The following OR2L3 variants were observed in gnomAD, a reference collection of about 807,000 sequenced individuals.
OR2L3 encodes olfactory receptor family 2 subfamily L member 3.
For synonymous variants in OR2L3, 131 were observed against 139.1 expected (o/e 0.94, Z 0.41); for missense variants, 369 against 376.6 (o/e 0.98, Z 0.17).
At chr1:248,048,984 T>C (rs537420246) in intron 1 of OR2L3, among the ~76,000 whole-genome samples, 1 of 150,956 alleles carries the variant, frequency 6.6e-6, no homozygotes, top group African/African-American at 2.5e-5. Context: ...TCATACCAAC[T>C]TTAAGGAGAC....
At chr1:248,047,317 T>C (rs888293075) in intron 1 of OR2L3, among the ~76,000 whole-genome samples, 1 of 151,728 alleles carries the variant, frequency 6.6e-6, no homozygotes, top group Non-Finnish European at 1.5e-5. Flanking sequence ...ATCTTATTGC[T>C]ACTTCTCACT....
In OR2L3 at chr1:248,060,702, A is replaced by G; in HGVS notation, c.21A>G (p.Thr7=). Residue 7 remains threonine (T), a synonymous_variant, in exon 2 of 2, where the codon ACA becomes ACG. Coordinates refer to ENST00000359959, the MANE Select transcript of OR2L3 (RefSeq NM_001004687.2). MENYNQ[T]STDFILLGFF... ...GCCCCATGGAAAATTACAATCAAAC[A>G]TCAACTGATTTCATCTTATTAGGAT... is the stretch of plus-strand genomic sequence containing the variant. 1.2e-6 allele frequency: 2 copies of G among 1,613,378 alleles called. No homozygotes were observed. The highest frequency in any genetic ancestry group is 1.7e-6 in the Non-Finnish European group (2 of 1,179,496).
intron 1 of OR2L3, among the ~76,000 whole-genome samples, chr1:248,054,050 G>C (rs1293943453): frequency 6.6e-6 from 1 of 152,136 alleles, no homozygotes; most frequent in Non-Finnish European, 1.5e-5. Flanking sequence ...CTTCCTGAAT[G>C]ATATTGCCTA....
intron 1 of OR2L3, among the ~76,000 whole-genome samples, chr1:248,047,999 G>T (rs1230478804): frequency 6.6e-6 from 1 of 152,182 alleles, no homozygotes; most frequent in Non-Finnish European, 1.5e-5. Context: ...ATTGTAAGAG[G>T]TAGAATTCGA....
At chr1:248,050,726 T>A (rs1663237674) in intron 1 of OR2L3, among the ~76,000 whole-genome samples, 1 of 152,304 alleles carries the variant, frequency 6.6e-6, no homozygotes, top group Non-Finnish European at 1.5e-5. Flanking sequence ...GTGTTAACAA[T>A]TTCAAATATT....
At chr1:248,059,917 G>C (rs954545459) in intron 1 of OR2L3, among the ~76,000 whole-genome samples, 1 of 151,934 alleles carries the variant, frequency 6.6e-6, no homozygotes, top group African/African-American at 2.4e-5. Context: ...GCTTGTGGTC[G>C]TAGTCTCAGC....
In OR2L3 at chr1:248,056,262, T is replaced by C. The variant is rs77571920; in HGVS notation, c.-21-4399T>C. 5.9e-3 allele frequency among the ~76,000 whole-genome samples: 894 copies of C among 152,292 alleles called. 17 individuals carry two copies. The highest frequency in any genetic ancestry group is 0.021 in the African/African-American group (857 of 41,562). On this transcript the variant is annotated intron_variant, in intron 1 of 1. Transcript: ENST00000359959. ...ATGTATACATGTGCCATGTTGGTCT[T>C]GATAGTGGTCTACCTAGTTTATTGA...
intron 1 of OR2L3, among the ~76,000 whole-genome samples, chr1:248,053,464 A>T (rs986209092): frequency 6.6e-6 from 1 of 152,214 alleles, no homozygotes; most frequent in Non-Finnish European, 1.5e-5. Context: ...CTTTGGGTAT[A>T]CACCCAGTAA....
chr1:248,049,408 A>T (rs899756174), intron 1 of OR2L3, among the ~76,000 whole-genome samples: 8 of 152,204 alleles, frequency 5.3e-5, no homozygotes, highest in African/African-American at 1.9e-4. Context: ...GAGAGTCGTA[A>T]ATATTACGTT....
intron 1 of OR2L3, among the ~76,000 whole-genome samples, chr1:248,050,814 T>G (rs1663240229): frequency 1.3e-5 from 2 of 152,216 alleles, no homozygotes; most frequent in African/African-American, 2.4e-5. Flanking sequence ...CAATCTCATC[T>G]TGATTCCAAA....
chr1:248,055,655 G>A (rs544107309), intron 1 of OR2L3, among the ~76,000 whole-genome samples: 1 of 152,332 alleles, frequency 6.6e-6, no homozygotes, highest in Admixed American at 6.5e-5. Flanking sequence ...TACTCTGGAG[G>A]CTGAGGCATG....
At chr1:248,059,820 G>T (rs181000315) in intron 1 of OR2L3, among the ~76,000 whole-genome samples, 31 of 152,266 alleles carry the variant, frequency 2.0e-4, no homozygotes, top group African/African-American at 7.5e-4. Flanking sequence ...AAGACAGGAG[G>T]ATTGGTGAGG....
intron 1 of OR2L3, among the ~76,000 whole-genome samples, chr1:248,059,468 G>A (rs1270440725): frequency 1.3e-5 from 2 of 152,142 alleles, no homozygotes; most frequent in African/African-American, 4.8e-5. Flanking sequence ...AAGACAAAAT[G>A]TGTAACCTAT....
At chr1:248,049,836 A>G (rs554528400) in intron 1 of OR2L3, among the ~76,000 whole-genome samples, 119 of 152,258 alleles carry the variant, frequency 7.8e-4, no homozygotes, top group Non-Finnish European at 1.3e-3. Context: ...TACACCACAC[A>G]TTTTTAAAAG....
intron 1 of OR2L3, among the ~76,000 whole-genome samples, chr1:248,049,871 A>T (rs1663203325): frequency 6.6e-6 from 1 of 152,186 alleles, no homozygotes. Context: ...ACGTTTATTT[A>T]TCTAGATGTC....
At chr1:248,049,689 T>G (rs1452393084) in intron 1 of OR2L3, among the ~76,000 whole-genome samples, 1 of 152,220 alleles carries the variant, frequency 6.6e-6, no homozygotes, top group African/African-American at 2.4e-5. Flanking sequence ...TTTACATTTC[T>G]TATACTTTCT....
In OR2L3 at chr1:248,060,709, G is replaced by A. The variant is rs1435508843; in HGVS notation, c.28G>A (p.Asp10Asn). The A allele has an allele frequency of 1.2e-6, 2 of 1,613,644 alleles. No individual in the cohort carries two copies. The highest frequency in any genetic ancestry group is 1.3e-5 in the African/African-American group (1 of 74,980). Reference protein sequence around the residue: MENYNQTSTDFILLGFFPPS... With the variant: MENYNQTSTNFILLGFFPPS... ...GGAAAATTACAATCAAACATCAACT[G>A]ATTTCATCTTATTAGGATTCTTCCC... Residue 10 changes from aspartate (D) to asparagine (N), a missense_variant, in exon 2 of 2, where the codon GAT becomes AAT. Transcript: ENST00000359959.
rs772141985 is a variant in OR2L3, at chr1:248,060,778, A to G, written c.97A>G (p.Ile33Val). 3.1e-6 allele frequency: 5 copies of G among 1,613,966 alleles called. No homozygotes were observed. In the South Asian group the frequency reaches 3.3e-5, roughly 11 times the overall value. Reference protein sequence around the residue: ...GLFLFILIVFIFLMALIGNLS... With the variant: ...GLFLFILIVFVFLMALIGNLS... The stretch of plus-strand genomic sequence containing the variant: ...TTTCCTCTTCATCCTCATTGTTTTC[A>G]TTTTCCTAATGGCTCTAATTGGAAA... Residue 33 changes from isoleucine to valine, a missense_variant, in exon 2 of 2, where the codon ATT (isoleucine) becomes GTT (valine). Ile to Val is a conservative substitution (Grantham distance 29). Coordinates refer to ENST00000359959, the MANE Select transcript of OR2L3 (RefSeq NM_001004687.2).
At position 248,062,193 on chromosome 1, in the gene OR2L3, A is replaced by G. The variant is rs919839095; in HGVS notation, c.*573A>G. The G allele has an allele frequency of 2.0e-5, 3 of 152,508 alleles. No homozygotes were observed. Among genetic ancestry groups the G allele is most frequent in the African/African-American group, 7.2e-5 (3 of 41,438 alleles). 9.4% of individuals were successfully genotyped at this position (152,508 alleles called of 1,614,324 possible). A position where few individuals can be genotyped will look rare whatever the true frequency, so the allele number is the denominator to read the frequency against. On this transcript the variant is annotated 3_prime_UTR_variant, in exon 2 of 2. Transcript: ENST00000359959. ...GATACCACTCTGGATGGCCTATGAC[A>G]AGATTATGTTCTTTATAGGGGAATG... is the stretch of plus-strand genomic sequence containing the variant.
Sources: gnomAD v4.1 joint callset for allele counts (sites outside exome capture counted in the v4.1 genomes callset) on GRCh38, gnomAD v4.1.1 for gene constraint, MANE v1.5 for transcripts, NCBI Gene and HGNC (gene_info 2026-07-23, HGNC 2026-07-21) for gene names.